The following MYT1L variants were observed in gnomAD, a reference collection of about 807,000 sequenced individuals.
The protein encoded by MYT1L is myelin transcription factor 1-like protein.
Under a neutral mutation model 126.7 loss-of-function variants are expected in MYT1L, and 12 were observed. The observed-to-expected ratio is 0.09, with a 90% CI of 0.06 to 0.15. The LOEUF is 0.15. Ranked by LOEUF, MYT1L falls within the 10% of genes least tolerant of loss-of-function variation. The pLI is 1.00. For missense variants in MYT1L, 979 were observed against 1,585.2 expected (o/e 0.62, Z 6.49); for synonymous variants, 541 against 604.2 (o/e 0.90, Z 1.53).
rs540491260 is a variant in MYT1L at position 2,204,513 on chromosome 2, G to T, written c.-420-31525C>A. Among the ~76,000 whole-genome samples, 24 of 146,170 alleles carry T rather than the reference G, an allele frequency of 1.6e-4. No homozygotes were observed. In the South Asian group the frequency reaches 4.9e-3, roughly 30 times the overall value. ...GCAGCCAAAAAACACATGAAAAAAT[G>T]CTCACCATCACTGGCCATCAGAGAA... is the stretch of plus-strand genomic sequence containing the variant. On this transcript the variant is annotated intron_variant, in intron 2 of 24. Transcript: ENST00000647738.
intron 4 of MYT1L, among the ~76,000 whole-genome samples, chr2:2,051,853 G>T (rs966417892): frequency 6.6e-6 from 1 of 151,974 alleles, no homozygotes; most frequent in African/African-American, 2.4e-5. Flanking sequence ...AAGAAACCCT[G>T]TTTCTGTCTC....
At chr2:2,154,187 C>T (rs1206381706) in intron 3 of MYT1L, among the ~76,000 whole-genome samples, 2 of 152,144 alleles carry the variant, frequency 1.3e-5, no homozygotes, top group African/African-American at 2.4e-5. Flanking sequence ...CCCAATGACG[C>T]TGGGGAGGAA....
intron 13 of MYT1L, among the ~76,000 whole-genome samples, chr2:1,907,650 G>A: frequency 6.6e-6 from 1 of 152,226 alleles, no homozygotes; most frequent in East Asian, 1.9e-4. Context: ...GGCCAGGATT[G>A]GAAGCACCTA....
At chr2:2,189,450 C>T (rs1353532453) in intron 2 of MYT1L, among the ~76,000 whole-genome samples, 1 of 152,162 alleles carries the variant, frequency 6.6e-6, no homozygotes, top group Non-Finnish European at 1.5e-5. Flanking sequence ...TTCAGCTGCT[C>T]TATTAAGACA....
chr2:1,916,089 T>A (rs1417048275), intron 11 of MYT1L, among the ~76,000 whole-genome samples: 3 of 152,180 alleles, frequency 2.0e-5, no homozygotes, highest in Admixed American at 2.0e-4. Flanking sequence ...TCTTCAGGCT[T>A]GTTCACAAGA....
intron 9 of MYT1L, among the ~76,000 whole-genome samples, chr2:1,930,358 G>T (rs2054789918): frequency 1.3e-5 from 2 of 152,218 alleles, no homozygotes; most frequent in South Asian, 4.1e-4. Flanking sequence ...CCCTGTGGGG[G>T]CCCTCTCTTC....
At chr2:1,866,592 AGAGAGG>A (rs2045524611) in intron 18 of MYT1L, among the ~76,000 whole-genome samples, 1 of 119,260 alleles carries the variant, frequency 8.4e-6, no homozygotes, top group Non-Finnish European at 1.7e-5. Flanking sequence ...GCAGGCAGAG[AGAGAGG>A]GAGAGGGAGG....
At chr2:2,057,299 T>C (rs1372807854) in intron 3 of MYT1L, among the ~76,000 whole-genome samples, 1 of 151,240 alleles carries the variant, frequency 6.6e-6, no homozygotes. Flanking sequence ...CGCCCAGCCT[T>C]TTCCTGTTCA....
intron 1 of MYT1L, among the ~76,000 whole-genome samples, chr2:2,304,741 G>T (rs1175139748): frequency 6.6e-6 from 1 of 152,178 alleles, no homozygotes; most frequent in Non-Finnish European, 1.5e-5. Context: ...AAGTTGTCTG[G>T]ATTTGGCATA....
intron 3 of MYT1L, among the ~76,000 whole-genome samples, chr2:2,090,990 C>G (rs960603931): frequency 2.0e-5 from 3 of 152,186 alleles, no homozygotes; most frequent in African/African-American, 7.2e-5. Context: ...GCTATTTCTA[C>G]CACATCTGCA....
At chr2:2,273,849 C>T (rs1391373646) in intron 2 of MYT1L, among the ~76,000 whole-genome samples, 1 of 152,046 alleles carries the variant, frequency 6.6e-6, no homozygotes, top group African/African-American at 2.4e-5. Flanking sequence ...CTTTTATCCG[C>T]CCACAAAAAA....
chr2:2,103,552 G>A (rs2078369910), intron 3 of MYT1L, among the ~76,000 whole-genome samples: 1 of 152,234 alleles, frequency 6.6e-6, no homozygotes, highest in South Asian at 2.1e-4. Flanking sequence ...GATGCACCGA[G>A]TGCCACAGCG....
At chr2:1,835,134 C>G (rs185370882) in intron 21 of MYT1L, among the ~76,000 whole-genome samples, 1 of 152,288 alleles carries the variant, frequency 6.6e-6, no homozygotes, top group East Asian at 1.9e-4. Flanking sequence ...GATACAGGTA[C>G]TCCTCCACAT....
intron 1 of MYT1L, among the ~76,000 whole-genome samples, chr2:2,313,840 G>A (rs2096017142): frequency 6.6e-6 from 1 of 152,052 alleles, no homozygotes; most frequent in South Asian, 2.1e-4. Context: ...GAATTAAATA[G>A]CTTACTTATC....
In MYT1L at chr2:1,922,662, T is replaced by A; in HGVS notation, c.1107A>T (p.Gly369=). Residue 369 remains glycine, a synonymous_variant, in exon 10 of 25, where the codon GGA becomes GGT. Coordinates refer to ENST00000647738, the MANE Select transcript of MYT1L (RefSeq NM_001303052.2). The surrounding 1 kb of genome is among the most constrained non-coding windows in gnomAD (Gnocchi z 7.4). ...CCGAGTAGTTTCTGTCCGGCGTCCT[T>A]CCGGGGAAGTCCTCTTCTGGCCGGA... The part of the protein sequence containing the change: ...QHVRPEEDFP[G]RTPDRNYSDM... The A allele has an allele frequency of 6.2e-7, 1 of 1,613,834 alleles. No individual in the cohort carries two copies.
intron 16 of MYT1L, among the ~76,000 whole-genome samples, chr2:1,888,579 A>G (rs564474546): frequency 2.0e-5 from 3 of 152,234 alleles, no homozygotes; most frequent in Non-Finnish European, 4.4e-5. Context: ...AGAAGATGTC[A>G]TAAGACTTTA....
chr2:1,935,577 T>C (rs1309415372), intron 9 of MYT1L, among the ~76,000 whole-genome samples: 2 of 152,214 alleles, frequency 1.3e-5, no homozygotes, highest in Admixed American at 1.3e-4. Context: ...CTGCAACTTC[T>C]TTAAGCTTCA....
intron 3 of MYT1L, among the ~76,000 whole-genome samples, chr2:2,110,139 G>C (rs2079254238): frequency 6.6e-6 from 1 of 151,568 alleles, no homozygotes; most frequent in Non-Finnish European, 1.5e-5. Flanking sequence ...TTGATGCCAG[G>C]AGATACCTGA....
intron 18 of MYT1L, among the ~76,000 whole-genome samples, chr2:1,863,352 C>T (rs1028817546): frequency 6.6e-6 from 1 of 152,064 alleles, no homozygotes; most frequent in Non-Finnish European, 1.5e-5. Context: ...GAATCTGTTT[C>T]AAGAGTAAGT....
Sources: allele counts gnomAD v4.1 joint callset (sites outside exome capture counted in the v4.1 genomes callset), GRCh38; gene constraint gnomAD v4.1.1; non-coding constraint Gnocchi (gnomAD v3.1); transcripts MANE v1.5; gene names NCBI Gene and HGNC (gene_info 2026-07-23, HGNC 2026-07-21).